NAALADL2: variants seen among roughly 807,000 people sequenced by gnomAD.
NAALADL2 encodes N-acetylated alpha-linked acidic dipeptidase like 2.
NAALADL2 carries 76 observed loss-of-function variants against 87.2 expected under a neutral mutation model. The ratio of observed to expected loss-of-function variants is 0.87; its 90% confidence interval spans 0.72 to 1.05. The LOEUF (loss-of-function observed/expected upper bound fraction) is 1.05. Ranked by LOEUF, NAALADL2 falls within the 50% of genes least tolerant of loss-of-function variation. The pLI, the probability that NAALADL2 is intolerant of heterozygous loss-of-function variation, is 0.00. For missense variants in NAALADL2, 1,089 were observed against 945.8 expected, an observed-to-expected ratio of 1.15 and a Z score of -1.99; for synonymous variants, 354 against 331.0, an observed-to-expected ratio of 1.07 and a Z score of -0.75.
intron 9 of NAALADL2, among the ~76,000 whole-genome samples, chr3:175,563,203 A>G (rs1716559284): frequency 6.6e-6 from 1 of 152,148 alleles, no homozygotes; most frequent in Non-Finnish European, 1.5e-5. Flanking sequence ...GAGAAGCATC[A>G]TTGCTTTTTA....
intron 2 of NAALADL2, chr3:174,632,164 A>T (rs1369251187): frequency 6.6e-6 from 1 of 152,188 alleles, no homozygotes; most frequent in Non-Finnish European, 1.5e-5. Context: ...CTGCCTGAGT[A>T]GTTATTTGCT....
chr3:175,533,706 C>T (rs1322123833), intron 9 of NAALADL2, among the ~76,000 whole-genome samples: 1 of 152,296 alleles, frequency 6.6e-6, no homozygotes, highest in South Asian at 2.1e-4. Context: ...GCTGTGCGTG[C>T]ACCTTTCCTT....
intron 4 of NAALADL2, among the ~76,000 whole-genome samples, chr3:175,289,768 C>T (rs1755423278): frequency 6.6e-6 from 1 of 151,938 alleles, no homozygotes; most frequent in South Asian, 2.1e-4. Context: ...TGAATCCTGC[C>T]TGGGCAACAT....
intron 13 of NAALADL2, among the ~76,000 whole-genome samples, chr3:175,800,037 A>C (rs1576870358): frequency 6.6e-6 from 1 of 152,158 alleles, no homozygotes; most frequent in Non-Finnish European, 1.5e-5. Context: ...TTTATTGAAT[A>C]TATAGTTTAT....
At chr3:174,931,799 T>G (rs761030813) in intron 1 of NAALADL2, among the ~76,000 whole-genome samples, 1 of 152,196 alleles carries the variant, frequency 6.6e-6, no homozygotes, top group Non-Finnish European at 1.5e-5. Flanking sequence ...GAAAACCAGG[T>G]TGACTAGATC....
chr3:174,998,523 A>G (rs771918903), intron 1 of NAALADL2, among the ~76,000 whole-genome samples: 16 of 152,326 alleles, frequency 1.1e-4, no homozygotes, highest in Admixed American at 3.3e-4. Flanking sequence ...ATTGCCCTCC[A>G]TCACTAAATT....
intron 13 of NAALADL2, among the ~76,000 whole-genome samples, chr3:175,797,560 A>T (rs114775694): frequency 3.6e-3 from 553 of 152,186 alleles, no homozygotes; most frequent in Non-Finnish European, 5.7e-3. Context: ...AACTCTCAAA[A>T]TATATTCTCA....
chr3:175,741,163 A>G (rs1398294206), intron 12 of NAALADL2, among the ~76,000 whole-genome samples: 1 of 152,180 alleles, frequency 6.6e-6, no homozygotes, highest in Non-Finnish European at 1.5e-5. Flanking sequence ...CTTATCAACA[A>G]CAGTAATTTA....
chr3:175,194,504 C>T (rs9810722), intron 2 of NAALADL2, among the ~76,000 whole-genome samples: 4,596 of 151,804 alleles, frequency 0.03, 157 homozygotes, highest in African/African-American at 0.086. Context: ...GAAAGGTAGG[C>T]TATATGGAAA....
At chr3:175,555,270 A>G (rs1054537272) in intron 9 of NAALADL2, among the ~76,000 whole-genome samples, 1 of 152,186 alleles carries the variant, frequency 6.6e-6, no homozygotes, top group African/African-American at 2.4e-5. Context: ...CCTGTCCACT[A>G]TAGTGCTCAA....
intron 11 of NAALADL2, among the ~76,000 whole-genome samples, chr3:175,673,076 T>C (rs1734231335): frequency 6.6e-6 from 1 of 152,136 alleles, no homozygotes; most frequent in African/African-American, 2.4e-5. Context: ...TCTTGCAAGG[T>C]TATTTCCCTC....
chr3:175,729,331 T>A (rs1453045669), intron 11 of NAALADL2, among the ~76,000 whole-genome samples: 1 of 152,142 alleles, frequency 6.6e-6, no homozygotes, highest in Non-Finnish European at 1.5e-5. Flanking sequence ...ATTCATCTAC[T>A]ATTTGTCATG....
chr3:174,880,341 C>T (rs961697511), intron 1 of NAALADL2, among the ~76,000 whole-genome samples: 14 of 152,008 alleles, frequency 9.2e-5, no homozygotes, highest in Admixed American at 9.2e-4. Context: ...CAAAACAAAA[C>T]AAAAAACTCA....
chr3:174,880,536 TG>T (rs1441924259), intron 1 of NAALADL2, among the ~76,000 whole-genome samples: 3 of 152,088 alleles, frequency 2.0e-5, no homozygotes, highest in Non-Finnish European at 4.4e-5. Flanking sequence ...AGTCTTCTGA[TG>T]GGTTACCTTA....
intron 5 of NAALADL2, among the ~76,000 whole-genome samples, chr3:175,446,576 T>A (rs1283502143): frequency 1.3e-5 from 2 of 152,154 alleles, no homozygotes; most frequent in Admixed American, 6.6e-5. Flanking sequence ...TGTTTCTCGC[T>A]GTATTTGGTG....
intron 11 of NAALADL2, among the ~76,000 whole-genome samples, chr3:175,729,355 T>A (rs1025469577): frequency 1.3e-5 from 2 of 152,178 alleles, no homozygotes; most frequent in African/African-American, 4.8e-5. Flanking sequence ...TCTTATAGCA[T>A]GTGTTAAAGT....
chr3:175,381,445 ATTTGT>A (rs1767769888), intron 5 of NAALADL2, among the ~76,000 whole-genome samples: 1 of 151,920 alleles, frequency 6.6e-6, no homozygotes. Context: ...GTATTTTAAT[ATTTGT>A]TTTAAGCCTC....
chr3:175,590,102 C>G (rs943958526), intron 10 of NAALADL2, among the ~76,000 whole-genome samples: 1 of 151,982 alleles, frequency 6.6e-6, no homozygotes, highest in Non-Finnish European at 1.5e-5. Flanking sequence ...ATCCCAGCTA[C>G]TCAGCAGGCT....
intron 1 of NAALADL2, among the ~76,000 whole-genome samples, chr3:175,011,260 G>C (rs1435866058): frequency 7.7e-6 from 1 of 130,228 alleles, no homozygotes; most frequent in African/African-American, 3.3e-5. Flanking sequence ...GACAGAGAGA[G>C]AGGGAGAGAG....
Sources: gnomAD v4.1 joint callset for allele counts (sites outside exome capture counted in the v4.1 genomes callset) on GRCh38, gnomAD v4.1.1 for gene constraint, MANE v1.5 for transcripts, NCBI Gene and HGNC (gene_info 2026-07-23, HGNC 2026-07-21) for gene names.